DOCK6: variants seen among roughly 807,000 people sequenced by gnomAD.
The protein encoded by DOCK6 is dedicator of cytokinesis protein 6.
DOCK6 carries 167 observed loss-of-function variants against 230.3 expected under a neutral mutation model. The ratio of observed to expected loss-of-function variants is 0.73; its 90% CI spans 0.64 to 0.82. The LOEUF is 0.82. DOCK6 is among the 40% of genes least tolerant of loss of function. The pLI, the probability that DOCK6 is intolerant of heterozygous loss-of-function variation, is 0.00. For synonymous variants in DOCK6, 1,148 were observed against 1,185.0 expected (o/e 0.97, Z 0.64); for missense variants, 2,598 against 2,825.8 (o/e 0.92, Z 1.83).
rs757130796 is a variant in DOCK6, at chr19:11,217,402, AAGAC to A, written c.3551-15_3551-12del. On this transcript the variant is annotated splice_polypyrimidine_tract_variant and intron_variant, in intron 28 of 47. Transcript: ENST00000294618. Reference sequence around the variant, plus strand: ...GCTGACCTGGGCCCTCTGGCAGGGAAAGACAGAGGGAAAGAAAGATAAACCCTTG... The same window carrying A: ...GCTGACCTGGGCCCTCTGGCAGGGAAAGAGGGAAAGAAAGATAAACCCTTG... 2.5e-5 allele frequency: 40 copies of A among 1,611,152 alleles called. 1 individual carries two copies. The highest frequency in any genetic ancestry group is 1.7e-6 in the Non-Finnish European group (2 of 1,178,772).
intron 14 of DOCK6, 21 bp from the exon 15 acceptor site, chr19:11,238,325 G>A: frequency 6.3e-7 from 1 of 1,582,294 alleles, no homozygotes; most frequent in Non-Finnish European, 8.6e-7. Flanking sequence ...CAGGATGGGG[G>A]TGTCAGAGGG....
At chr19:11,228,590 C>T (rs1349117511) in intron 23 of DOCK6, among the ~76,000 whole-genome samples, 7 of 140,986 alleles carry the variant, frequency 5.0e-5, no homozygotes, top group African/African-American at 8.0e-5. Flanking sequence ...GACAGAGTCT[C>T]GCTCTGTCGC....
chr19:11,202,316 G>A lies in DOCK6; in HGVS notation c.5451+78C>T. 6.6e-7 allele frequency: 1 copy of A among 1,525,938 alleles called. No individual in the cohort carries two copies. The highest frequency in any genetic ancestry group is 8.9e-7 in the Non-Finnish European group (1 of 1,121,150). 94.5% of individuals were successfully genotyped at this position (1,525,938 alleles called of 1,614,324 possible). ...TGATTTGGGGTTTCCCAGAGAAAGA[G>A]GATTTGAGGGTCCCCAGGAAACAGC... On this transcript the variant is annotated intron_variant, in intron 43 of 47. Transcript: ENST00000294618. This position sits in a 1 kb window ranked among gnomAD's most constrained non-coding sequence, Gnocchi z 5.3.
chr19:11,240,323 G>A, intron 14 of DOCK6: 1 of 1,514,908 alleles, frequency 6.6e-7, no homozygotes, highest in South Asian at 1.3e-5. Context: ...ACCCTAGTGG[G>A]CTGAGACCCT....
At chr19:11,204,451 G>A in intron 39 of DOCK6, 120 bp from the exon 40 acceptor site, 2 of 1,413,778 alleles carry the variant, frequency 1.4e-6, no homozygotes, top group Non-Finnish European at 1.9e-6. Context: ...CCTCCTCCAG[G>A]AAGCCCACCC....
chr19:11,241,799 G>A (rs748968091), intron 14 of DOCK6: 9 of 1,508,024 alleles, frequency 6.0e-6, no homozygotes, highest in African/African-American at 4.2e-5. Flanking sequence ...CCAGGGCGCC[G>A]GGCCCCACTT....
chr19:11,252,600 C>T, intron 3 of DOCK6, 50 bp from the exon 4 acceptor site: 1 of 1,611,194 alleles, frequency 6.2e-7, no homozygotes, highest in Non-Finnish European at 8.5e-7. Flanking sequence ...TCTGTGAATC[C>T]TTCTGCTAGC....
chr19:11,258,533 A>T (rs971519651), intron 1 of DOCK6, among the ~76,000 whole-genome samples: 4 of 150,366 alleles, frequency 2.7e-5, no homozygotes, highest in Non-Finnish European at 4.4e-5. Context: ...CCCGGGTTCA[A>T]GCGATTCTCC....
chr19:11,200,900 C>T lies in DOCK6; in HGVS notation c.5832+9G>A. 6.2e-7 allele frequency: 1 copy of T among 1,613,882 alleles called. No individual in the cohort carries two copies. Among genetic ancestry groups the T allele is most frequent in the Non-Finnish European group, 8.5e-7 (1 of 1,179,838 alleles). ...CGTGCGGCTTGCATCCCCCTTCCAC[C>T]AGCCGTGCCTGGTTCACGGTGGGCC... On this transcript the variant is annotated intron_variant, in intron 45 of 47. Transcript: ENST00000294618. The surrounding 1 kb of genome is among the most constrained non-coding windows in gnomAD (Gnocchi z 4.3).
Position 11,222,150 on chromosome 19 carries a change from C to T in DOCK6, c.3339G>A (p.Leu1113=). Residue 1113 remains leucine, a synonymous_variant, in exon 27 of 48, where the codon CTG becomes CTA. Coordinates refer to ENST00000294618, the MANE Select transcript of DOCK6 (RefSeq NM_020812.4). The surrounding 1 kb of genome is among the most constrained non-coding windows in gnomAD (Gnocchi z 4.0). ...FRQQHFLAGL[L]LTELALALEP... ...CGAGGGCCAGTGCCAGCTCCGTCAG[C>T]AGGAGCCCAGCTAGGAAGTGCTGCT... is the stretch of plus-strand genomic sequence containing the variant. 1 of 1,612,616 alleles carries T rather than the reference C, an allele frequency of 6.2e-7. No homozygotes were observed. The highest frequency in any genetic ancestry group is 1.1e-5 in the South Asian group (1 of 90,806).
intron 23 of DOCK6, among the ~76,000 whole-genome samples, chr19:11,228,009 C>CTATTTTTT (rs1189565209): frequency 1.3e-5 from 2 of 150,306 alleles, no homozygotes; most frequent in African/African-American, 4.9e-5. Context: ...AAAGCTTTCC[C>CTATTTTTT]TCTTTTTTTT....
intron 1 of DOCK6, among the ~76,000 whole-genome samples, chr19:11,254,721 C>T (rs919182820): frequency 6.6e-6 from 1 of 151,530 alleles, no homozygotes; most frequent in Non-Finnish European, 1.5e-5. Context: ...GGTAAAGGGG[C>T]AAGACTCGCA....
Position 11,200,645 on chromosome 19 carries a change from C to G in DOCK6, c.5939+71G>C, listed in dbSNP as rs2147688940. 4 of 1,514,258 alleles carry G rather than the reference C, an allele frequency of 2.6e-6. No homozygotes were observed. Among genetic ancestry groups the G allele is most frequent in the Admixed American group, 3.9e-5 (2 of 51,404 alleles). 93.8% of individuals were successfully genotyped at this position (1,514,258 alleles called of 1,614,324 possible). A position where few individuals can be genotyped will look rare whatever the true frequency, so the allele number is the denominator to read the frequency against. On this transcript the variant is annotated intron_variant, in intron 46 of 47. Transcript: ENST00000294618. The surrounding 1 kb of genome is among the most constrained non-coding windows in gnomAD (Gnocchi z 4.3). ...GCAGATGGGGGAGCCATGCAGAGAT[C>G]AGATGGGCAGAGAGCAGGCCTATGC...
Position 11,200,845 on chromosome 19 carries a change from G to A in DOCK6, c.5833-23C>T, listed in dbSNP as rs1284000234. 6.2e-7 allele frequency: 1 copy of A among 1,613,032 alleles called. No individual in the cohort carries two copies. The highest frequency in any genetic ancestry group is 8.5e-7 in the Non-Finnish European group (1 of 1,179,134). Reference sequence around the variant, plus strand: ...ACCCTGTGGGGTGAGAGGGACTGGTGAGCCAGCCTGCATGGCACCTGGAGT... The same window carrying A: ...ACCCTGTGGGGTGAGAGGGACTGGTAAGCCAGCCTGCATGGCACCTGGAGT... On this transcript the variant is annotated intron_variant, in intron 45 of 47. Transcript: ENST00000294618. This position sits in a 1 kb window ranked among gnomAD's most constrained non-coding sequence, Gnocchi z 4.3.
At chr19:11,255,552 G>A (rs551529162) in intron 1 of DOCK6, among the ~76,000 whole-genome samples, 8 of 152,136 alleles carry the variant, frequency 5.3e-5, no homozygotes, top group Admixed American at 1.3e-4. Context: ...GAGCTCAAGC[G>A]ATCTGCCCGC....
chr19:11,221,902 G>A lies in DOCK6; in HGVS notation c.3499C>T (p.Pro1167Ser). The A allele has an allele frequency of 6.2e-7, 1 of 1,613,412 alleles. No individual in the cohort carries two copies. ...VKARVAELYL[P>S]LLSIARDTLP... ...GTATCCCGTGCAATCGATAGCAGTGGCAGGTACAGCTCGGCCACACGAGCC... is the reference window on the plus strand; with the variant it reads ...GTATCCCGTGCAATCGATAGCAGTGACAGGTACAGCTCGGCCACACGAGCC... Residue 1167 changes from proline to serine, a missense_variant, in exon 28 of 48, where the codon CCA becomes TCA. Transcript: ENST00000294618.
chr19:11,246,965 G>A (rs988432219), intron 7 of DOCK6, among the ~76,000 whole-genome samples: 17 of 152,156 alleles, frequency 1.1e-4, no homozygotes, highest in African/African-American at 4.1e-4. Flanking sequence ...AAGGGAAGCT[G>A]TCCCAGATAC....
Position 11,215,418 on chromosome 19 carries a change from G to A in DOCK6, c.4075C>T (p.His1359Tyr), listed in dbSNP as rs577841758. The change falls in exon 32 of 48, where the codon CAC (histidine) becomes TAC (tyrosine). Residue 1359 changes from histidine (H) to tyrosine (Y), a missense_variant. Physicochemically the swap from His to Tyr is moderately conservative, Grantham distance 83. Transcript: ENST00000294618. ...ENVRWRKSVT[H>Y]WKQTSDRVDK... Reference sequence around the variant, plus strand: ...ACGCGGTCTGAGGTTTGCTTCCAGTGTGTGACGCTCTTCCGCCAGCGCACA... The same window carrying A: ...ACGCGGTCTGAGGTTTGCTTCCAGTATGTGACGCTCTTCCGCCAGCGCACA... 8 of 1,613,626 alleles carry A rather than the reference G, an allele frequency of 5.0e-6. 1 individual carries two copies. The East Asian group carries it at 1.3e-4, about 27-fold the overall frequency.
rs770422855 is a variant in DOCK6, at chr19:11,228,933, G to T, written c.2814+7C>A. 2 of 1,613,590 alleles carry T rather than the reference G, an allele frequency of 1.2e-6. No individual in the cohort carries two copies. Among genetic ancestry groups the T allele is most frequent in the East Asian group, 2.2e-5 (1 of 44,854 alleles). On this transcript the variant is annotated splice_region_variant and intron_variant, in intron 23 of 47. Transcript: ENST00000294618. ...CTTGCCACCAGGCAGGGAGGAGGGG[G>T]TCTCACCATGAGCTGGAAGAAGAAC...
Sources: allele counts gnomAD v4.1 joint callset (sites outside exome capture counted in the v4.1 genomes callset), GRCh38; gene constraint gnomAD v4.1.1; non-coding constraint Gnocchi (gnomAD v3.1); transcripts MANE v1.5; gene names NCBI Gene and HGNC (gene_info 2026-07-23, HGNC 2026-07-21).